HS2ST1: variants seen among roughly 807,000 people sequenced by gnomAD.
HS2ST1 encodes the protein heparan sulfate 2-O-sulfotransferase 1.
In HS2ST1, 18 loss-of-function variants were observed where a neutral mutation model predicts 42.9. The observed-to-expected ratio is 0.42, with a 90% CI of 0.29 to 0.62. The LOEUF is 0.62. Ranked by LOEUF, HS2ST1 falls within the 20% of genes least tolerant of loss-of-function variation. The pLI is 0.21. For missense variants in HS2ST1, 334 were observed against 433.8 expected (o/e 0.77, Z 2.04); for synonymous variants, 146 against 152.9 (o/e 0.95, Z 0.33).
At chr1:87,069,565 T>C (rs1651348832) in intron 1 of HS2ST1, among the ~76,000 whole-genome samples, 3 of 152,252 alleles carry the variant, frequency 2.0e-5, no homozygotes, top group Non-Finnish European at 4.4e-5. Context: ...TTACTGCTGT[T>C]CAACTGAGAT....
intron 4 of HS2ST1, 51 bp from the exon 5 acceptor site, chr1:87,097,787 A>G: frequency 6.2e-7 from 1 of 1,603,104 alleles, no homozygotes; most frequent in Non-Finnish European, 8.5e-7. Context: ...GATATTTGAT[A>G]GGTGAGACTT....
At chr1:86,918,937 A>G (rs533981) in intron 1 of HS2ST1, among the ~76,000 whole-genome samples, 146,136 of 150,512 alleles carry the variant, frequency 0.97, 70,972 homozygotes, top group East Asian at 1. Flanking sequence ...TCCTTTATCT[A>G]TCCTATGTCT....
At chr1:86,997,122 G>C (rs1175762946) in intron 1 of HS2ST1, among the ~76,000 whole-genome samples, 2 of 152,208 alleles carry the variant, frequency 1.3e-5, no homozygotes, top group Non-Finnish European at 2.9e-5. Flanking sequence ...CTCAGTGCCA[G>C]ATGGAGATCA....
At chr1:87,096,907 T>C (rs1652081852) in intron 4 of HS2ST1, among the ~76,000 whole-genome samples, 1 of 152,248 alleles carries the variant, frequency 6.6e-6, no homozygotes, top group Admixed American at 6.5e-5. Flanking sequence ...TTTTATTTCT[T>C]ATTTCTTCTT....
intron 1 of HS2ST1, among the ~76,000 whole-genome samples, chr1:86,928,240 C>G (rs1333314542): frequency 6.6e-6 from 1 of 151,892 alleles, no homozygotes; most frequent in African/African-American, 2.4e-5. Flanking sequence ...CGTAAGTTTT[C>G]AGTGATAAAA....
rs561556046 is a variant in HS2ST1 at position 86,947,014 on chromosome 1, A to G, written c.124+31854A>G. Among the ~76,000 whole-genome samples the G allele has an allele frequency of 1.6e-4, 25 of 152,356 alleles. No homozygotes were observed. In the South Asian group the frequency reaches 4.4e-3, roughly 27 times the overall value. ...TAGTAATTATGGATAACTGAAGGTA[A>G]AAAGACATGAGTATCAGCATGTTTT... is the stretch of plus-strand genomic sequence containing the variant. On this transcript the variant is annotated intron_variant, in intron 1 of 6. Transcript: ENST00000370550.
At chr1:86,981,287 G>A (rs1308229403) in intron 1 of HS2ST1, among the ~76,000 whole-genome samples, 2 of 152,082 alleles carry the variant, frequency 1.3e-5, no homozygotes, top group Non-Finnish European at 2.9e-5. Context: ...GGGATGCAAA[G>A]CCAAACCATA....
At chr1:87,041,304 C>T (rs1012786971) in intron 1 of HS2ST1, among the ~76,000 whole-genome samples, 2 of 146,864 alleles carry the variant, frequency 1.4e-5, no homozygotes. Flanking sequence ...GGGAGGATTG[C>T]TTGAGCCAGG....
At chr1:87,097,985 G>A (rs1199677) in intron 5 of HS2ST1, 50 bp downstream of exon 5, 1,560,326 of 1,612,032 alleles carry the variant, frequency 0.97, 755,288 homozygotes, top group East Asian at 0.99. Flanking sequence ...TATTATCTCT[G>A]TAATCTGTGT....
chr1:86,993,107 T>TTG, intron 1 of HS2ST1: 1 of 1,601,656 alleles, frequency 6.2e-7, no homozygotes, highest in Non-Finnish European at 8.5e-7. Context: ...TTCATTCATC[T>TTG]CGAAGTATTC....
intron 1 of HS2ST1, among the ~76,000 whole-genome samples, chr1:86,968,777 T>C (rs1412243768): frequency 6.6e-6 from 1 of 152,144 alleles, no homozygotes. Context: ...ACTTTAATCA[T>C]TTGTTTAAAA....
chr1:86,983,124 T>A (rs577352105), intron 1 of HS2ST1, among the ~76,000 whole-genome samples: 3 of 152,284 alleles, frequency 2.0e-5, no homozygotes, highest in Non-Finnish European at 2.9e-5. Context: ...CTCCAAACTG[T>A]CCCGGCCTCT....
At chr1:87,060,860 G>T (rs1417239903) in intron 1 of HS2ST1, among the ~76,000 whole-genome samples, 1 of 151,968 alleles carries the variant, frequency 6.6e-6, no homozygotes, top group African/African-American at 2.4e-5. Context: ...AAAAAGAAAA[G>T]AATTGGTGTT....
At chr1:87,029,616 A>G (rs1002538853) in intron 1 of HS2ST1, among the ~76,000 whole-genome samples, 2 of 152,232 alleles carry the variant, frequency 1.3e-5, no homozygotes, top group Non-Finnish European at 2.9e-5. Flanking sequence ...GTGCTCTCAC[A>G]CCATGTCATG....
In HS2ST1 at chr1:86,915,168, A is replaced by G. The variant is rs546745; in HGVS notation, c.124+8A>G. 0.032 allele frequency: 52,002 copies of G among 1,611,962 alleles called. 986 individuals are homozygous for G. Among genetic ancestry groups the G allele is most frequent in the African/African-American group, 0.063 (4,721 of 75,006 alleles). ...AGTCCCGCTCGAAGCTAGGTGAGGA[A>G]CTGAACTGCCCCGGGCTGAGTGCTG... On this transcript the variant is annotated splice_region_variant and intron_variant, in intron 1 of 6. Coordinates refer to ENST00000370550, the MANE Select transcript of HS2ST1 (RefSeq NM_012262.4).
chr1:86,962,902 T>C (rs1647891333), intron 1 of HS2ST1, among the ~76,000 whole-genome samples: 1 of 152,204 alleles, frequency 6.6e-6, no homozygotes, highest in African/African-American at 2.4e-5. Flanking sequence ...GTTCCATAAG[T>C]GAAAATAATT....
intron 1 of HS2ST1, among the ~76,000 whole-genome samples, chr1:86,988,090 G>A (rs1361592857): frequency 6.6e-6 from 1 of 152,068 alleles, no homozygotes; most frequent in Non-Finnish European, 1.5e-5. Flanking sequence ...AAAATGAAAG[G>A]GTTTTCTTTT....
intron 1 of HS2ST1, among the ~76,000 whole-genome samples, chr1:87,019,964 C>T (rs1002260695): frequency 6.6e-6 from 1 of 152,118 alleles, no homozygotes; most frequent in Non-Finnish European, 1.5e-5. Context: ...ATAATGGAAG[C>T]CAAGTGGGCA....
At chr1:87,006,953 T>C (rs1649457152) in intron 1 of HS2ST1, among the ~76,000 whole-genome samples, 1 of 152,076 alleles carries the variant, frequency 6.6e-6, no homozygotes, top group South Asian at 2.1e-4. Flanking sequence ...CTCTACAGAA[T>C]GGAGTGAGTG....
Sources: allele counts gnomAD v4.1 joint callset (sites outside exome capture counted in the v4.1 genomes callset), GRCh38; gene constraint gnomAD v4.1.1; transcripts MANE v1.5; gene names NCBI Gene and HGNC (gene_info 2026-07-23, HGNC 2026-07-21).